CIST1: variants seen among roughly 807,000 people sequenced by gnomAD.
CIST1 encodes the protein uncharacterized LOC729966.
At chr19:18,253,691 T>A in the CIST1 span, among the ~76,000 whole-genome samples, 1 of 152,156 alleles carries the variant, frequency 6.6e-6, no homozygotes, top group Non-Finnish European at 1.5e-5. Flanking sequence ...ACCTCAACTT[T>A]AATGGAAGAC....
At chr19:18,250,538 G>A in the CIST1 span, 1 of 375,898 alleles carries the variant, frequency 2.7e-6, no homozygotes, top group Non-Finnish European at 4.5e-6. Flanking sequence ...ACCCACCAGG[G>A]CCCAGAGCCT....
chr19:18,252,826 C>A, the CIST1 span, among the ~76,000 whole-genome samples: 5 of 152,304 alleles, frequency 3.3e-5, no homozygotes, highest in African/African-American at 1.2e-4. Flanking sequence ...AGATTTGTCT[C>A]GAACTTCTGA....
the CIST1 span, among the ~76,000 whole-genome samples, chr19:18,252,762 C>T: frequency 6.6e-6 from 1 of 151,984 alleles, no homozygotes; most frequent in Non-Finnish European, 1.5e-5. Flanking sequence ...GGATTACAGG[C>T]GTGCATTACC....
At chr19:18,251,305 T>C in the CIST1 span, among the ~76,000 whole-genome samples, 4 of 151,258 alleles carry the variant, frequency 2.6e-5, no homozygotes, top group Non-Finnish European at 4.4e-5. Flanking sequence ...TTTGTATTTT[T>C]AGTAGAGACG....
the CIST1 span, chr19:18,250,112 C>G: frequency 1.3e-5 from 5 of 398,654 alleles, no homozygotes; most frequent in African/African-American, 8.2e-5. Context: ...GCCCCCATCT[C>G]TGTTGGCTCC....
the CIST1 span, among the ~76,000 whole-genome samples, chr19:18,253,563 A>ACC: frequency 1.4e-5 from 2 of 141,762 alleles, no homozygotes; most frequent in East Asian, 2.1e-4. Context: ...AAAAAAAAAA[A>ACC]ACACACACAC....
the CIST1 span, chr19:18,255,332 C>T: frequency 1.0e-5 from 4 of 393,674 alleles, no homozygotes; most frequent in African/African-American, 4.5e-5. The surrounding 1 kb of genome is among the most constrained non-coding windows in gnomAD (Gnocchi z 4.6). Context: ...GGCCTGCCAC[C>T]GGCTCTGCAC....
At chr19:18,250,858 C>T in the CIST1 span, among the ~76,000 whole-genome samples, 1 of 151,392 alleles carries the variant, frequency 6.6e-6, no homozygotes, top group Non-Finnish European at 1.5e-5. Flanking sequence ...ACTGTGACCT[C>T]CATCTCCAAG....
At chr19:18,252,376 G>A in the CIST1 span, 5 of 399,186 alleles carry the variant, frequency 1.3e-5, no homozygotes, top group South Asian at 6.4e-4. Context: ...TAGGATTTGG[G>A]GGGTTCCCCT....
chr19:18,250,648 C>A, the CIST1 span, among the ~76,000 whole-genome samples: 1 of 152,026 alleles, frequency 6.6e-6, no homozygotes, highest in Non-Finnish European at 1.5e-5. Context: ...ACTCTGTCAC[C>A]CAGGCTGGAG....
At chr19:18,251,966 A>C in the CIST1 span, 1 of 397,646 alleles carries the variant, frequency 2.5e-6, no homozygotes, top group South Asian at 1.4e-4. Context: ...TTCCTAGAGC[A>C]TTCTCGGGGC....
the CIST1 span, chr19:18,255,163 G>C: frequency 1.3e-5 from 5 of 398,224 alleles, no homozygotes; most frequent in Admixed American, 4.4e-5. The surrounding 1 kb of genome is among the most constrained non-coding windows in gnomAD (Gnocchi z 4.6). Context: ...TGGGCTGTGC[G>C]TCCCCCACCC....
At chr19:18,252,134 G>T in the CIST1 span, 46 of 399,232 alleles carry the variant, frequency 1.2e-4, no homozygotes, top group Admixed American at 2.2e-4. Flanking sequence ...GGGAAGTGGG[G>T]CTCCAGTGCG....
chr19:18,255,126 G>C, the CIST1 span: 1 of 396,314 alleles, frequency 2.5e-6, no homozygotes, highest in East Asian at 3.6e-5. This position sits in a 1 kb window ranked among gnomAD's most constrained non-coding sequence, Gnocchi z 4.6. Context: ...TGGCCTGAGG[G>C]AGGGGTCCAG....
the CIST1 span, chr19:18,255,211 A>G: frequency 2.5e-6 from 1 of 396,738 alleles, no homozygotes; most frequent in Non-Finnish European, 4.4e-6. The surrounding 1 kb of genome is among the most constrained non-coding windows in gnomAD (Gnocchi z 4.6). Context: ...CCTCTTTACC[A>G]GCTCTTACCT....
the CIST1 span, among the ~76,000 whole-genome samples, chr19:18,250,834 C>A: frequency 6.8e-6 from 1 of 148,134 alleles, no homozygotes; most frequent in African/African-American, 2.5e-5. Flanking sequence ...AGTGCAGTGA[C>A]GTTATCTCAG....
the CIST1 span, chr19:18,252,383 C>T: frequency 2.5e-6 from 1 of 399,040 alleles, no homozygotes; most frequent in Middle Eastern, 6.3e-4. Context: ...TGGGGGGTTC[C>T]CCTGAACTGT....
chr19:18,251,580 G>T, the CIST1 span, among the ~76,000 whole-genome samples: 2 of 151,542 alleles, frequency 1.3e-5, no homozygotes, highest in Non-Finnish European at 2.9e-5. Context: ...GATTACAGGC[G>T]TCTGCCACCA....
At chr19:18,255,389 CGT>C in the CIST1 span, 6 of 397,854 alleles carry the variant, frequency 1.5e-5, no homozygotes, top group East Asian at 2.1e-4. This position sits in a 1 kb window ranked among gnomAD's most constrained non-coding sequence, Gnocchi z 4.6. Flanking sequence ...CTTGCACCTG[CGT>C]GTGCGCTCCC....
Sources: allele counts gnomAD v4.1 joint callset (sites outside exome capture counted in the v4.1 genomes callset), GRCh38; gene constraint gnomAD v4.1.1; non-coding constraint Gnocchi (gnomAD v3.1); transcripts MANE v1.5; gene names NCBI Gene and HGNC (gene_info 2026-07-23, HGNC 2026-07-21).